CYP20A1: variants seen among roughly 807,000 people sequenced by gnomAD.
The protein encoded by CYP20A1 is cytochrome P450 20A1.
A neutral mutation model predicts 61.4 loss-of-function variants in CYP20A1; 61 were observed. The ratio of observed to expected loss-of-function variants is 0.99; its 90% CI spans 0.81 to 1.23. CYP20A1 has a LOEUF of 1.23. Ranked by LOEUF, CYP20A1 falls within the 50% of genes most tolerant of loss-of-function variation. The pLI is 0.00. For synonymous variants in CYP20A1, 193 were observed against 188.2 expected (o/e 1.03, Z -0.21); for missense variants, 530 against 542.4 (o/e 0.98, Z 0.23).
intron 6 of CYP20A1, 149 bp downstream of exon 6, chr2:203,272,897 G>C (rs2067664066): frequency 2.3e-6 from 1 of 426,844 alleles, no homozygotes; most frequent in Non-Finnish European, 4.1e-6. Context: ...TGCCAGGCTG[G>C]AGTGCAGTGG....
intron 11 of CYP20A1, among the ~76,000 whole-genome samples, chr2:203,293,890 T>C (rs2068655584): frequency 6.6e-6 from 1 of 152,330 alleles, no homozygotes; most frequent in African/African-American, 2.4e-5. Context: ...GTTTTTAATA[T>C]ATGCATTTCT....
chr2:203,277,972 G>A (rs554311069), intron 6 of CYP20A1, among the ~76,000 whole-genome samples: 21 of 152,198 alleles, frequency 1.4e-4, no homozygotes, highest in African/African-American at 5.1e-4. Context: ...GTGTTTGGAG[G>A]CCTCTAAAGT....
intron 8 of CYP20A1, among the ~76,000 whole-genome samples, chr2:203,280,867 GA>G (rs1224939023): frequency 6.6e-6 from 1 of 152,108 alleles, no homozygotes; most frequent in East Asian, 1.9e-4. Context: ...ACATTTTATG[GA>G]TTGTGAATTC....
At chr2:203,269,277 CA>C (rs1440773812) in intron 5 of CYP20A1, among the ~76,000 whole-genome samples, 27 of 133,686 alleles carry the variant, frequency 2.0e-4, no homozygotes, top group Non-Finnish European at 4.4e-4. Context: ...CCCCTGTCTC[CA>C]ATTTTTTTTT....
intron 11 of CYP20A1, among the ~76,000 whole-genome samples, chr2:203,292,994 C>G (rs55751909): frequency 6.5e-4 from 99 of 151,572 alleles, no homozygotes; most frequent in African/African-American, 2.2e-3. Flanking sequence ...GCTAACATAG[C>G]GAAACCCTGT....
At position 203,301,839 on chromosome 2, in the gene CYP20A1, C is replaced by T. The variant is rs1012332493; in HGVS notation, c.*4931C>T. ...ATAATAATGTTTATTGTAGAAAAAT[C>T]TAGGAAAACACAAAAATGTCAAACT... On this transcript the variant is annotated 3_prime_UTR_variant, in exon 13 of 13. Coordinates refer to ENST00000356079, the MANE Select transcript of CYP20A1 (RefSeq NM_177538.3). Among the ~76,000 whole-genome samples, 1 of 149,738 alleles carries T rather than the reference C, an allele frequency of 6.7e-6. No homozygotes were observed. Among genetic ancestry groups the T allele is most frequent in the African/African-American group, 2.5e-5 (1 of 40,602 alleles).
At chr2:203,279,529 T>A (rs1157912113) in intron 7 of CYP20A1, among the ~76,000 whole-genome samples, 2 of 152,160 alleles carry the variant, frequency 1.3e-5, no homozygotes, top group African/African-American at 4.8e-5. Flanking sequence ...GGTGAGTTGT[T>A]ATTGCCACAC....
At position 203,304,307 on chromosome 2, in the gene CYP20A1, C is replaced by T. The variant is rs1307845941; in HGVS notation, c.*7399C>T. ...CCATCTCCCCAGTTCAAGCGATTCT[C>T]CTGCCTCAGCCTCCCGAGTAGCTGC... On this transcript the variant is annotated 3_prime_UTR_variant, in exon 13 of 13. Transcript: ENST00000356079. Among the ~76,000 whole-genome samples, 2 of 152,184 alleles carry T rather than the reference C, an allele frequency of 1.3e-5. No homozygotes were observed. Among genetic ancestry groups the T allele is most frequent in the Non-Finnish European group, 2.9e-5 (2 of 68,032 alleles).
chr2:203,250,148 G>C (rs932803451), intron 3 of CYP20A1, among the ~76,000 whole-genome samples: 1 of 152,052 alleles, frequency 6.6e-6, no homozygotes, highest in African/African-American at 2.4e-5. Flanking sequence ...TCACAGATGT[G>C]AGAAAATATT....
chr2:203,294,628 G>C (rs1291086632), intron 11 of CYP20A1, among the ~76,000 whole-genome samples: 1 of 152,036 alleles, frequency 6.6e-6, no homozygotes, highest in Non-Finnish European at 1.5e-5. Flanking sequence ...AGTGGCTTAA[G>C]AGAAGCAACG....
intron 4 of CYP20A1, among the ~76,000 whole-genome samples, chr2:203,260,501 CG>C (rs1559092152): frequency 6.6e-6 from 1 of 152,016 alleles, no homozygotes; most frequent in Admixed American, 6.6e-5. Flanking sequence ...GGATTACAGG[CG>C]TGAGCCACCG....
chr2:203,265,497 T>G (rs919210989), intron 4 of CYP20A1, among the ~76,000 whole-genome samples: 1 of 152,226 alleles, frequency 6.6e-6, no homozygotes, highest in Non-Finnish European at 1.5e-5. Context: ...TCATTTGTCA[T>G]GCACCCACAT....
In CYP20A1 at chr2:203,294,941, ATTTTTTTTTT is replaced by A. The variant is rs1167546590; in HGVS notation, c.1149-1513_1149-1504del. Among the ~76,000 whole-genome samples the A allele has an allele frequency of 2.2e-4, 10 of 45,434 alleles. 1 individual carries two copies. Among genetic ancestry groups the A allele is most frequent in the East Asian group, 1.4e-3 (2 of 1,470 alleles). The allele number at this position is 45,434 out of a possible 152,430, so 29.8% of individuals were successfully genotyped here. A position where few individuals can be genotyped will look rare whatever the true frequency, so the allele number is the denominator to read the frequency against. ...GCCACTGTGCCCAGCCTTTAAAAAA[ATTTTTTTTTT>A]TTTTTTTTTTTTTTTTTTTGAGACA... On this transcript the variant is annotated intron_variant, in intron 11 of 12. Coordinates refer to ENST00000356079, the MANE Select transcript of CYP20A1 (RefSeq NM_177538.3).
At position 203,299,879 on chromosome 2, in the gene CYP20A1, A is replaced by G. The variant is rs1261039377; in HGVS notation, c.*2971A>G. Among the ~76,000 whole-genome samples, 1 of 152,174 alleles carries G rather than the reference A, an allele frequency of 6.6e-6. No individual in the cohort carries two copies. The highest frequency in any genetic ancestry group is 1.5e-5 in the Non-Finnish European group (1 of 68,034). On this transcript the variant is annotated 3_prime_UTR_variant, in exon 13 of 13. Coordinates refer to ENST00000356079, the MANE Select transcript of CYP20A1 (RefSeq NM_177538.3). ...ACAAGAGTGAAACTCCGTCTCAAAA[A>G]AAAAAGAAAAATTCTAAAACTTTAA...
chr2:203,287,245 G>C (rs1047952730), intron 9 of CYP20A1, among the ~76,000 whole-genome samples: 3 of 116,090 alleles, frequency 2.6e-5, no homozygotes, highest in African/African-American at 9.1e-5. Flanking sequence ...AAAAAGAAAA[G>C]ATAACCACTG....
chr2:203,262,673 G>T (rs1324922394), intron 4 of CYP20A1, among the ~76,000 whole-genome samples: 3 of 151,570 alleles, frequency 2.0e-5, no homozygotes, highest in Non-Finnish European at 4.4e-5. Flanking sequence ...ACAAGTTTTT[G>T]TTGTTGTTGT....
At chr2:203,286,931 A>T (rs917073280) in intron 9 of CYP20A1, among the ~76,000 whole-genome samples, 6 of 151,958 alleles carry the variant, frequency 3.9e-5, no homozygotes, top group African/African-American at 1.5e-4. Flanking sequence ...GAAAAGATAG[A>T]GTGGCTGGGC....
intron 3 of CYP20A1, among the ~76,000 whole-genome samples, chr2:203,250,834 G>A (rs2066636928): frequency 6.6e-6 from 1 of 152,172 alleles, no homozygotes; most frequent in East Asian, 1.9e-4. Flanking sequence ...GGAGGCCGAG[G>A]CGGGCGGATC....
At chr2:203,282,050 T>TC (rs2068063776) in intron 8 of CYP20A1, among the ~76,000 whole-genome samples, 1 of 150,638 alleles carries the variant, frequency 6.6e-6, no homozygotes, top group South Asian at 2.1e-4. Context: ...TTTTTTTTTT[T>TC]TTTTGAGACG....
Sources: gnomAD v4.1 joint callset for allele counts (sites outside exome capture counted in the v4.1 genomes callset) on GRCh38, gnomAD v4.1.1 for gene constraint, MANE v1.5 for transcripts, NCBI Gene and HGNC (gene_info 2026-07-23, HGNC 2026-07-21) for gene names.